ANKRD11: variants seen among roughly 807,000 people sequenced by gnomAD.
ANKRD11 encodes the protein ankyrin repeat domain-containing protein 11.
Under a neutral mutation model 195.7 loss-of-function variants are expected in ANKRD11, and 17 were observed. That is an observed-to-expected ratio of 0.09 (90% CI 0.06 to 0.13). The LOEUF is 0.13. Among genes scored for constraint, ANKRD11 ranks in the 10% least tolerant of loss-of-function variants. The pLI, the probability that ANKRD11 is intolerant of heterozygous loss-of-function variation, is 1.00. For missense variants in ANKRD11, 3,735 were observed against 3,566.1 expected (o/e 1.05, Z -1.21); for synonymous variants, 1,953 against 1,528.1 (o/e 1.28, Z -6.49).
chr16:89,398,907 C>A (rs2041578346), intron 2 of ANKRD11, among the ~76,000 whole-genome samples: 2 of 152,138 alleles, frequency 1.3e-5, no homozygotes. Flanking sequence ...TGCACAGCCA[C>A]CCAGGATCCT....
At chr16:89,422,161 C>T (rs1157722933) in intron 1 of ANKRD11, 1 of 151,954 alleles carries the variant, frequency 6.6e-6, no homozygotes, top group Non-Finnish European at 1.5e-5. Context: ...GTTAAAGTTA[C>T]CTAAGAAGAA....
chr16:89,306,301 C>T lies in ANKRD11; in HGVS notation c.88-957G>A, dbSNP rs114303093. 0.021 allele frequency among the ~76,000 whole-genome samples: 1,929 copies of T among 90,388 alleles called. 192 individuals carry two copies. The East Asian group carries it at 0.23, about 11-fold the overall frequency. The allele number at this position is 90,388 out of a possible 152,430, so 59.3% of individuals were successfully genotyped here. ...CCCTCCGCAGACACACGCCACCTACCTCCCCCTCCGCAGACACGTGCCACC... is the reference window on the plus strand; with the variant it reads ...CCCTCCGCAGACACACGCCACCTACTTCCCCCTCCGCAGACACGTGCCACC... On this transcript the variant is annotated intron_variant, in intron 3 of 12. Coordinates refer to ENST00000301030, the MANE Select transcript of ANKRD11 (RefSeq NM_013275.6).
intron 2 of ANKRD11, among the ~76,000 whole-genome samples, chr16:89,333,414 G>C (rs1470703549): frequency 6.6e-6 from 1 of 152,156 alleles, no homozygotes; most frequent in Admixed American, 6.5e-5. Flanking sequence ...ACCGGGTGCT[G>C]TGCAGTCTAT....
intron 12 of ANKRD11, chr16:89,270,555 C>T (rs2033053499): frequency 1.9e-6 from 1 of 521,330 alleles, no homozygotes; most frequent in South Asian, 2.0e-5. Context: ...GACCATCAAG[C>T]CTAGGGTCCT....
chr16:89,286,278 T>C, intron 7 of ANKRD11, 92 bp from the exon 8 acceptor site: 2 of 1,560,192 alleles, frequency 1.3e-6, no homozygotes, highest in South Asian at 2.2e-5. Flanking sequence ...CCGAGAACCC[T>C]GGGGTTCGAC....
At chr16:89,461,358 A>G (rs1289162219) in intron 1 of ANKRD11, among the ~76,000 whole-genome samples, 2 of 151,980 alleles carry the variant, frequency 1.3e-5, no homozygotes, top group African/African-American at 4.8e-5. Context: ...GATGGTGGTG[A>G]TGGCTTTGCA....
Position 89,281,149 on chromosome 16 carries a change from G to A in ANKRD11, c.5393C>T (p.Thr1798Ile). Residue 1798 changes from threonine (T) to isoleucine (I), a missense_variant, in exon 9 of 13, where the codon ACC becomes ATC. Physicochemically the swap from Thr to Ile is moderately conservative, Grantham distance 89. Coordinates refer to ENST00000301030, the MANE Select transcript of ANKRD11 (RefSeq NM_013275.6). The surrounding 1 kb of genome is among the most constrained non-coding windows in gnomAD (Gnocchi z 5.5). ...YRSVSVDIRR[T>I]PEEEFSVGDK... is the part of the protein sequence containing the mutation. ...TCCGACGCTGAATTCTTCCTCGGGG[G>A]TCCTCCTAATGTCGACAGAGACCGA... 6.2e-7 allele frequency: 1 copy of A among 1,613,926 alleles called. No homozygotes were observed. Among genetic ancestry groups the A allele is most frequent in the Non-Finnish European group, 8.5e-7 (1 of 1,179,788 alleles).
chr16:89,392,746 C>G (rs999119559), intron 2 of ANKRD11: 1 of 148,114 alleles, frequency 6.8e-6, no homozygotes, highest in African/African-American at 2.5e-5. Context: ...GTCCGGCACA[C>G]CCAGAACCTG....
Position 89,377,439 on chromosome 16 carries a change from CAAG to C in ANKRD11, c.-60+40842_-60+40844del, listed in dbSNP as rs1252927747. Among the ~76,000 whole-genome samples the C allele has an allele frequency of 8.1e-5, 12 of 147,388 alleles. 1 individual carries two copies. The highest frequency in any genetic ancestry group is 2.8e-4 in the African/African-American group (11 of 39,622). On this transcript the variant is annotated intron_variant, in intron 2 of 12. Coordinates refer to ENST00000301030, the MANE Select transcript of ANKRD11 (RefSeq NM_013275.6). Reference sequence around the variant, plus strand: ...TTCCACAGGGTTTACAACAGCCAATCAAGGAGATCATGAAGAGACTGCGGACAT... The same window carrying C: ...TTCCACAGGGTTTACAACAGCCAATCGAGATCATGAAGAGACTGCGGACAT...
intron 4 of ANKRD11, among the ~76,000 whole-genome samples, chr16:89,292,636 G>C (rs1032581886): frequency 6.6e-6 from 1 of 152,238 alleles, no homozygotes; most frequent in African/African-American, 2.4e-5. Flanking sequence ...AAGTACTGCA[G>C]GCTGCCATCG....
chr16:89,427,782 G>C (rs975215011), intron 1 of ANKRD11, among the ~76,000 whole-genome samples: 2 of 151,180 alleles, frequency 1.3e-5, no homozygotes, highest in African/African-American at 4.9e-5. Context: ...CTGGGAGACA[G>C]AGTATGCCTC....
At chr16:89,466,187 C>G (rs2056878167) in intron 1 of ANKRD11, among the ~76,000 whole-genome samples, 1 of 152,008 alleles carries the variant, frequency 6.6e-6, no homozygotes, top group South Asian at 2.1e-4. Context: ...CCCCTACAAG[C>G]AACGAGCCCC....
At chr16:89,383,620 C>A (rs930759528) in intron 2 of ANKRD11, among the ~76,000 whole-genome samples, 1 of 152,150 alleles carries the variant, frequency 6.6e-6, no homozygotes, top group African/African-American at 2.4e-5. Context: ...CACGTCGAGC[C>A]CCTGCCCTCG....
chr16:89,359,885 A>C (rs910626406), intron 2 of ANKRD11, among the ~76,000 whole-genome samples: 1 of 152,182 alleles, frequency 6.6e-6, no homozygotes, highest in African/African-American at 2.4e-5. Flanking sequence ...AATCAGCATC[A>C]CATAGTTTAT....
intron 1 of ANKRD11, among the ~76,000 whole-genome samples, chr16:89,455,964 G>A (rs148094820): frequency 7.2e-5 from 11 of 152,240 alleles, no homozygotes; most frequent in South Asian, 2.1e-4. Flanking sequence ...CAGGTAGGGC[G>A]TGGTGGCTCA....
chr16:89,368,248 T>C (rs2040033686), intron 2 of ANKRD11, among the ~76,000 whole-genome samples: 2 of 151,974 alleles, frequency 1.3e-5, no homozygotes, highest in African/African-American at 4.8e-5. Context: ...CAGGCCAGAC[T>C]GCAGTGGCAC....
At chr16:89,485,595 T>C (rs960649620) in intron 1 of ANKRD11, among the ~76,000 whole-genome samples, 1 of 152,108 alleles carries the variant, frequency 6.6e-6, no homozygotes. Flanking sequence ...CCCCTTACTG[T>C]AAACCCAAAA....
intron 3 of ANKRD11, chr16:89,313,199 G>T (rs1255150627): frequency 9.4e-7 from 1 of 1,066,830 alleles, no homozygotes; most frequent in African/African-American, 1.6e-5. Context: ...CTGTGAGGCT[G>T]CCTGTGCTCT....
At chr16:89,347,271 CATGTGTGTACCTGT>C (rs2038985492) in intron 2 of ANKRD11, among the ~76,000 whole-genome samples, 1 of 152,260 alleles carries the variant, frequency 6.6e-6, no homozygotes, top group African/African-American at 2.4e-5. Context: ...GACTGTCGCA[CATGTGTGTACCTGT>C]ATGTGTGTAC....
Sources: gnomAD v4.1 joint callset for allele counts (sites outside exome capture counted in the v4.1 genomes callset) on GRCh38, gnomAD v4.1.1 for gene constraint, Gnocchi (gnomAD v3.1) non-coding constraint, MANE v1.5 for transcripts, NCBI Gene and HGNC (gene_info 2026-07-23, HGNC 2026-07-21) for gene names.